Variants in NOD1 observed in about 807,000 individuals in gnomAD.
NOD1 encodes the protein nucleotide-binding oligomerization domain-containing protein 1.
A neutral mutation model predicts 81.2 loss-of-function variants in NOD1; 70 were observed. The ratio of observed to expected loss-of-function variants is 0.86; its 90% CI spans 0.71 to 1.05. The LOEUF is 1.05. NOD1 is among the 50% of genes least tolerant of loss of function. The probability of loss-of-function intolerance (pLI) is 0.00; values close to 1 mark genes in which losing one functional copy is unlikely to be tolerated. For missense variants in NOD1, 1,233 were observed against 1,228.0 expected (o/e 1.00, Z -0.06); for synonymous variants, 508 against 526.9 (o/e 0.96, Z 0.49).
chr7:30,445,662 G>A (rs1183550234), intron 9 of NOD1, among the ~76,000 whole-genome samples: 1 of 150,480 alleles, frequency 6.6e-6, no homozygotes, highest in Non-Finnish European at 1.5e-5. Flanking sequence ...GTGTGGCTGA[G>A]GCGAGAGAAT....
chr7:30,426,853 G>GCTGA (rs1420204530), intron 13 of NOD1, among the ~76,000 whole-genome samples: 2 of 152,126 alleles, frequency 1.3e-5, no homozygotes, highest in Non-Finnish European at 2.9e-5. Context: ...ACTCACCTCA[G>GCTGA]CTGACTAGCT....
At chr7:30,460,198 T>G (rs1786877319) in intron 1 of NOD1, 157 bp from the exon 2 acceptor site, 2 of 971,598 alleles carry the variant, frequency 2.1e-6, no homozygotes, top group Middle Eastern at 5.3e-4. Flanking sequence ...GCAGAGAAAC[T>G]GAACTCTGCC....
intron 11 of NOD1, chr7:30,433,545 C>CCGAGATCTA: frequency 7.7e-6 from 2 of 260,626 alleles, no homozygotes; most frequent in South Asian, 7.7e-5. Context: ...CCCTTGAACA[C>CCGAGATCTA]CACTGACAGT....
At chr7:30,463,893 A>T (rs1460159171) in intron 1 of NOD1, 1 of 151,714 alleles carries the variant, frequency 6.6e-6, no homozygotes, top group African/African-American at 2.4e-5. Flanking sequence ...CTCATTTTGG[A>T]GCACTTCCTT....
chr7:30,434,359 G>A (rs1784205608), intron 11 of NOD1, among the ~76,000 whole-genome samples: 1 of 152,200 alleles, frequency 6.6e-6, no homozygotes, highest in South Asian at 2.1e-4. Flanking sequence ...GGGGCACCTG[G>A]CCATGTCCGG....
intron 1 of NOD1, among the ~76,000 whole-genome samples, chr7:30,477,242 T>C (rs1788877371): frequency 6.6e-6 from 1 of 152,226 alleles, no homozygotes; most frequent in African/African-American, 2.4e-5. Context: ...CACTCTGCTG[T>C]TTGTTTTAAA....
intron 1 of NOD1, among the ~76,000 whole-genome samples, chr7:30,462,421 G>A (rs1403169323): frequency 6.9e-6 from 1 of 144,358 alleles, no homozygotes; most frequent in East Asian, 2.2e-4. Flanking sequence ...CAGGGGTTCT[G>A]ATGGGTTTTT....
chr7:30,470,546 A>T (rs943334498), intron 1 of NOD1, among the ~76,000 whole-genome samples: 2 of 152,244 alleles, frequency 1.3e-5, no homozygotes, highest in Non-Finnish European at 2.9e-5. Flanking sequence ...TCACTTACCA[A>T]GTTTATTGGT....
chr7:30,477,657 G>C (rs942259785), intron 1 of NOD1, among the ~76,000 whole-genome samples: 2 of 151,782 alleles, frequency 1.3e-5, no homozygotes, highest in African/African-American at 2.4e-5. Flanking sequence ...TGGGATTACA[G>C]GCATGCGCCA....
At position 30,451,278 on chromosome 7, in the gene NOD1, G is replaced by T. The variant is rs769395478; in HGVS notation, c.2139C>A (p.Asn713Lys). 15 of 1,614,158 alleles carry T rather than the reference G, an allele frequency of 9.3e-6. No individual in the cohort carries two copies. The highest frequency in any genetic ancestry group is 1.3e-5 in the Non-Finnish European group (15 of 1,180,042). Residue 713 changes from asparagine to lysine, a missense_variant, in exon 6 of 14, where the codon AAC becomes AAA. Transcript: ENST00000222823. This position sits in a 1 kb window ranked among gnomAD's most constrained non-coding sequence, Gnocchi z 4.2. ...CCCGCACGCCGTAGTCGTTGAGATT[G>T]TTGTTGTCTAGGTCTAGGGCCAGCC... ...PKRLALDLDN[N>K]NLNDYGVREL... is the part of the protein sequence containing the mutation.
intron 1 of NOD1, chr7:30,460,589 C>T (rs1786939571): frequency 3.0e-6 from 3 of 985,396 alleles, no homozygotes; most frequent in South Asian, 4.7e-5. Context: ...AAACAGGACA[C>T]ACCGCAGAAC....
At chr7:30,438,014 T>G (rs908778983) in intron 9 of NOD1, among the ~76,000 whole-genome samples, 9 of 152,172 alleles carry the variant, frequency 5.9e-5, no homozygotes, top group South Asian at 2.1e-4. Flanking sequence ...AGCACAGAGG[T>G]GCGCAGAGTC....
intron 7 of NOD1, 63 bp downstream of exon 7, chr7:30,448,235 G>T: frequency 1.5e-6 from 2 of 1,323,798 alleles, no homozygotes; most frequent in South Asian, 1.2e-5. Context: ...ATGGGAATGT[G>T]AATTCCCTGC....
chr7:30,452,691 G>T lies in NOD1; in HGVS notation c.726C>A (p.Phe242Leu). ...FHFRCRMFSCFKESDRLCLQD... is the reference protein window; with the variant it reads ...FHFRCRMFSCLKESDRLCLQD... ...GCAGACACAGCCTGTCACTTTCCTT[G>T]AAGCAGCTGAACATGCGGCAGCGAA... The change falls in exon 6 of 14, where the codon TTC (phenylalanine) becomes TTA (leucine). Residue 242 changes from phenylalanine (F) to leucine (L), a missense_variant. Coordinates refer to ENST00000222823, the MANE Select transcript of NOD1 (RefSeq NM_006092.4). The T allele has an allele frequency of 6.2e-7, 1 of 1,613,898 alleles. No individual in the cohort carries two copies. Among genetic ancestry groups the T allele is most frequent in the Non-Finnish European group, 8.5e-7 (1 of 1,180,050 alleles).
intron 1 of NOD1, among the ~76,000 whole-genome samples, chr7:30,469,685 C>T (rs1207402309): frequency 6.7e-6 from 1 of 149,076 alleles, no homozygotes; most frequent in Non-Finnish European, 1.5e-5. Context: ...CAGCTCCTCC[C>T]TTCTCTGCTG....
chr7:30,446,990 T>C lies in NOD1; in HGVS notation c.2346A>G (p.Glu782=). ...ACTTAAGATGCGTGAGGCCTTTGCATTCATCCAGGATTTTGGTGACGTACC... is the reference window on the plus strand; with the variant it reads ...ACTTAAGATGCGTGAGGCCTTTGCACTCATCCAGGATTTTGGTGACGTACC... ...GARYVTKILD[E]CKGLTHLKLG... is the part of the protein sequence containing the mutation. The change falls in exon 8 of 14, where the codon GAA becomes GAG. Residue 782 remains glutamate, a synonymous_variant. Transcript: ENST00000222823. The C allele has an allele frequency of 2.5e-6, 4 of 1,614,158 alleles. No homozygotes were observed. The highest frequency in any genetic ancestry group is 3.4e-6 in the Non-Finnish European group (4 of 1,179,990).
intron 13 of NOD1, among the ~76,000 whole-genome samples, chr7:30,429,011 C>A (rs769445514): frequency 1.3e-5 from 2 of 152,232 alleles, no homozygotes; most frequent in African/African-American, 2.4e-5. Context: ...TCCTGGCCAA[C>A]ACAGTCATCT....
intron 6 of NOD1, among the ~76,000 whole-genome samples, chr7:30,449,881 G>A (rs576867917): frequency 4.1e-4 from 62 of 152,308 alleles, no homozygotes; most frequent in African/African-American, 1.4e-3. Context: ...ACACTGGTGT[G>A]GAGTTTCCCA....
At chr7:30,428,517 T>C (rs543836980) in intron 13 of NOD1, 1 of 152,314 alleles carries the variant, frequency 6.6e-6, no homozygotes, top group Admixed American at 6.5e-5. Flanking sequence ...GCACATTGCA[T>C]CCTGATATTT....
Sources: gnomAD v4.1 joint callset for allele counts (sites outside exome capture counted in the v4.1 genomes callset) on GRCh38, gnomAD v4.1.1 for gene constraint, Gnocchi (gnomAD v3.1) non-coding constraint, MANE v1.5 for transcripts, NCBI Gene and HGNC (gene_info 2026-07-23, HGNC 2026-07-21) for gene names.